The following VAV2 variants were observed in gnomAD, a reference collection of about 807,000 sequenced individuals.
VAV2 encodes vav guanine nucleotide exchange factor 2.
Under a neutral mutation model 132.5 loss-of-function variants are expected in VAV2, and 67 were observed. The observed-to-expected ratio is 0.51, with a 90% confidence interval of 0.42 to 0.62. The LOEUF (loss-of-function observed/expected upper bound fraction) is 0.62. VAV2 is among the 20% of genes least tolerant of loss of function. The pLI, the probability that VAV2 is intolerant of heterozygous loss-of-function variation, is 0.00. For missense variants in VAV2, 938 were observed against 1,153.6 expected (o/e 0.81, Z 2.71); for synonymous variants, 492 against 443.5 (o/e 1.11, Z -1.37).
chr9:133,867,282 C>T (rs1298714196), intron 2 of VAV2, among the ~76,000 whole-genome samples: 1 of 152,264 alleles, frequency 6.6e-6, no homozygotes, highest in Non-Finnish European at 1.5e-5. Context: ...GGAAGCCCAT[C>T]TCGCCAGGTG....
chr9:133,816,283 T>C (rs1397242809), intron 4 of VAV2, among the ~76,000 whole-genome samples: 2 of 152,250 alleles, frequency 1.3e-5, no homozygotes. Context: ...CTATTCACTT[T>C]CTTAATGATA....
Position 133,905,016 on chromosome 9 carries a change from G to A in VAV2, c.321+34087C>T, listed in dbSNP as rs549783098. On this transcript the variant is annotated intron_variant, in intron 2 of 29. Coordinates refer to ENST00000371850, the MANE Select transcript of VAV2 (RefSeq NM_001134398.2). ...GGGAGAGGGTGCATCTTGTGGCTTG[G>A]GCAGTGCCACGGGCAGCACCACACG... is the stretch of plus-strand genomic sequence containing the variant. 1.2e-4 allele frequency among the ~76,000 whole-genome samples: 18 copies of A among 152,306 alleles called. No homozygotes were observed. In the East Asian group the frequency reaches 3.3e-3, roughly 28 times the overall value.
At chr9:133,941,615 G>C (rs796386686) in intron 1 of VAV2, among the ~76,000 whole-genome samples, 7 of 149,008 alleles carry the variant, frequency 4.7e-5, no homozygotes, top group South Asian at 2.1e-4. Context: ...TTTTGGGGGG[G>C]GGGGGGGACG....
intron 2 of VAV2, among the ~76,000 whole-genome samples, chr9:133,895,928 C>CTTTTTTTTTTTTTTTTTTTTTTTTTT (rs551480342): frequency 8.7e-6 from 1 of 115,224 alleles, no homozygotes. Flanking sequence ...ACACTAAAAT[C>CTTTTTTTTTTTTTTTTTTTTTTTTTT]TTTTTTTTTT....
rs1231596970 is a variant in VAV2 at position 133,833,714 on chromosome 9, C to T, written c.449+558G>A. 6.6e-6 allele frequency among the ~76,000 whole-genome samples: 1 copy of T among 152,170 alleles called. No homozygotes were observed. Among genetic ancestry groups the T allele is most frequent in the African/African-American group, 2.4e-5 (1 of 41,456 alleles). On this transcript the variant is annotated intron_variant, in intron 4 of 29. Coordinates refer to ENST00000371850, the MANE Select transcript of VAV2 (RefSeq NM_001134398.2). This position sits in a 1 kb window ranked among gnomAD's most constrained non-coding sequence, Gnocchi z 5.6. ...CCCTGGTGCTGTGGCCAGGCTTGGGCAGCGCCTGGGTGGAGCAGAGGCCTC... is the reference window on the plus strand; with the variant it reads ...CCCTGGTGCTGTGGCCAGGCTTGGGTAGCGCCTGGGTGGAGCAGAGGCCTC...
intron 9 of VAV2, among the ~76,000 whole-genome samples, chr9:133,803,169 C>T (rs1012911525): frequency 7.9e-5 from 12 of 152,164 alleles, no homozygotes; most frequent in Admixed American, 4.6e-4. Context: ...TCACCTGTCT[C>T]GGATCCTTCA....
rs2428095 is a variant in VAV2, at chr9:133,826,023, C to A, written c.449+8249G>T. On this transcript the variant is annotated intron_variant, in intron 4 of 29. Transcript: ENST00000371850. This position sits in a 1 kb window ranked among gnomAD's most constrained non-coding sequence, Gnocchi z 4.2. ...ATTCGCGGATACATTACATTCCCTG[C>A]CGTGTCACGATCACATTTGTTTAAG... Among the ~76,000 whole-genome samples, 11,414 of 152,250 alleles carry A rather than the reference C, an allele frequency of 0.075. 1,276 individuals are homozygous for A. The highest frequency in any genetic ancestry group is 0.25 in the African/African-American group (10,379 of 41,502).
chr9:133,799,097 G>T (rs561744118), intron 9 of VAV2, among the ~76,000 whole-genome samples: 2 of 152,364 alleles, frequency 1.3e-5, no homozygotes, highest in South Asian at 2.1e-4. Flanking sequence ...CCCTCGGGGA[G>T]AAGCGTCCTG....
intron 1 of VAV2, among the ~76,000 whole-genome samples, chr9:133,947,829 A>T (rs1215494622): frequency 1.3e-5 from 2 of 150,272 alleles, no homozygotes; most frequent in Non-Finnish European, 3.0e-5. Flanking sequence ...TCACTGCATC[A>T]ACGAGGCTGG....
At chr9:133,931,078 C>A (rs1840671007) in intron 2 of VAV2, among the ~76,000 whole-genome samples, 1 of 152,246 alleles carries the variant, frequency 6.6e-6, no homozygotes, top group Non-Finnish European at 1.5e-5. Flanking sequence ...CACTGCCCAG[C>A]CAGCACCGCG....
chr9:133,770,634 C>T (rs1402112066), intron 26 of VAV2, 133 bp from the exon 27 acceptor site: 1 of 1,366,978 alleles, frequency 7.3e-7, no homozygotes. Context: ...GAACTCCCCA[C>T]ATCCCGCCAG....
chr9:133,866,889 C>T (rs1837826158), intron 2 of VAV2, among the ~76,000 whole-genome samples: 1 of 151,718 alleles, frequency 6.6e-6, no homozygotes, highest in South Asian at 2.1e-4. Context: ...GCACATGTCA[C>T]AGGGTGGCAG....
At chr9:133,779,787 G>T in intron 21 of VAV2, 131 bp downstream of exon 21, 1 of 1,260,708 alleles carries the variant, frequency 7.9e-7, no homozygotes, top group African/African-American at 1.5e-5. Context: ...GGGCCCAGAT[G>T]GCAGCATCCA....
intron 2 of VAV2, among the ~76,000 whole-genome samples, chr9:133,875,704 G>A (rs775572697): frequency 3.3e-5 from 5 of 152,200 alleles, no homozygotes; most frequent in South Asian, 2.1e-4. Flanking sequence ...CGAGGCCCCC[G>A]CTCCAGTCCC....
In VAV2 at chr9:133,797,694, G is replaced by T. The variant is rs373313018; in HGVS notation, c.936+16C>A. The T allele has an allele frequency of 6.2e-7, 1 of 1,609,200 alleles. No homozygotes were observed. ...CCTTGGAGCCAGGGCCAGGGCCAAC[G>T]CCTGGCAGGACTTACCTCGACTTTC... On this transcript the variant is annotated intron_variant, in intron 10 of 29. Transcript: ENST00000371850.
At chr9:133,903,491 G>A (rs774764180) in intron 2 of VAV2, among the ~76,000 whole-genome samples, 9 of 152,272 alleles carry the variant, frequency 5.9e-5, no homozygotes, top group Admixed American at 1.3e-4. Flanking sequence ...GAGATGTGAC[G>A]GCCACATCAC....
intron 2 of VAV2, among the ~76,000 whole-genome samples, chr9:133,937,804 A>G (rs1840981107): frequency 6.6e-6 from 1 of 152,214 alleles, no homozygotes; most frequent in African/African-American, 2.4e-5. Flanking sequence ...TCAACAGGGC[A>G]TCAAACTCCC....
chr9:133,780,968 T>C lies in VAV2; in HGVS notation c.1724-258A>G, dbSNP rs113523825. Among the ~76,000 whole-genome samples the C allele has an allele frequency of 5.6e-3, 853 of 152,324 alleles. 8 individuals carry two copies. Among genetic ancestry groups the C allele is most frequent in the African/African-American group, 0.019 (805 of 41,562 alleles). On this transcript the variant is annotated intron_variant, in intron 19 of 29. Transcript: ENST00000371850. ...CCATGGGAGAACTTGGACTGGGTAA[T>C]AGACCTGAGCTGGCAAAAAGGTTAT...
Position 133,769,280 on chromosome 9 carries a change from C to A in VAV2, c.2434+137G>T. On this transcript the variant is annotated intron_variant, in intron 28 of 29. Coordinates refer to ENST00000371850, the MANE Select transcript of VAV2 (RefSeq NM_001134398.2). The surrounding 1 kb of genome is among the most constrained non-coding windows in gnomAD (Gnocchi z 8.1). ...CCCGGCCTCCCCAGCCCCTTTCTCC[C>A]CTCCACCCAGTGCCAGACTGCGGAC... 1.0e-6 allele frequency: 1 copy of A among 961,606 alleles called. No homozygotes were observed. Among genetic ancestry groups the A allele is most frequent in the Admixed American group, 2.9e-5 (1 of 35,026 alleles). The allele number at this position is 961,606 out of a possible 1,614,324, so 59.6% of individuals were successfully genotyped here. A position where few individuals can be genotyped will look rare whatever the true frequency, so the allele number is the denominator to read the frequency against.
Sources: gnomAD v4.1 joint callset for allele counts (sites outside exome capture counted in the v4.1 genomes callset) on GRCh38, gnomAD v4.1.1 for gene constraint, Gnocchi (gnomAD v3.1) non-coding constraint, MANE v1.5 for transcripts, NCBI Gene and HGNC (gene_info 2026-07-23, HGNC 2026-07-21) for gene names.